Variants in FARP2 observed in about 807,000 individuals in gnomAD.
FARP2 encodes FERM, ARH/RhoGEF and pleckstrin domain protein 2.
A neutral mutation model predicts 130.5 loss-of-function variants in FARP2; 111 were observed. The observed-to-expected ratio is 0.85, with a 90% confidence interval of 0.73 to 1.00. The LOEUF (loss-of-function observed/expected upper bound fraction) is 1.00. FARP2 is among the 50% of genes least tolerant of loss of function. FARP2 has a pLI of 0.00. For synonymous variants in FARP2, 504 were observed against 516.9 expected, an observed-to-expected ratio of 0.98 and a Z score of 0.34; for missense variants, 1,385 against 1,346.3, an observed-to-expected ratio of 1.03 and a Z score of -0.45.
In FARP2 at chr2:241,373,098, A is replaced by G. The variant is rs1223804772; in HGVS notation, c.-10A>G. On this transcript the variant is annotated 5_prime_UTR_variant, in exon 2 of 27. The change abolishes an upstream ATG in the 5' untranslated region. Coordinates refer to ENST00000264042, the MANE Select transcript of FARP2 (RefSeq NM_014808.4). The stretch of plus-strand genomic sequence containing the variant: ...TTTCATTTTAGTGTTTTCTTCACTC[A>G]TGGTGAAGAATGGGGGAGATAGAAG... 8.2e-6 allele frequency: 11 copies of G among 1,345,424 alleles called. No individual in the cohort carries two copies. In the East Asian group the frequency reaches 8.4e-5, roughly 10 times the overall value. The allele number at this position is 1,345,424 out of a possible 1,614,324, so 83.3% of individuals were successfully genotyped here.
chr2:241,405,688 A>G (rs1297609984), intron 4 of FARP2, among the ~76,000 whole-genome samples: 3 of 152,196 alleles, frequency 2.0e-5, no homozygotes, highest in Admixed American at 6.5e-5. Flanking sequence ...AATCTTAGCA[A>G]TTTGGGAGGC....
chr2:241,424,701 C>A lies in FARP2; in HGVS notation c.771+6592C>A, dbSNP rs527454996. On this transcript the variant is annotated intron_variant, in intron 8 of 26. Coordinates refer to ENST00000264042, the MANE Select transcript of FARP2 (RefSeq NM_014808.4). ...TTGAAAAAATTAATAAAATAGACTG[C>A]TAGCTAGACTAGTAAAGAAGATAAT... Among the ~76,000 whole-genome samples the A allele has an allele frequency of 4.4e-4, 67 of 152,098 alleles. No individual in the cohort carries two copies. The South Asian group carries it at 0.013, about 29-fold the overall frequency.
At chr2:241,453,122 G>A (rs1273023077) in intron 13 of FARP2, among the ~76,000 whole-genome samples, 1 of 150,348 alleles carries the variant, frequency 6.7e-6, no homozygotes, top group Non-Finnish European at 1.5e-5. Flanking sequence ...TTGAGGTCAG[G>A]AGTTTGAGAC....
chr2:241,478,964 AT>A, intron 19 of FARP2: 2 of 423,950 alleles, frequency 4.7e-6, no homozygotes. Flanking sequence ...GAAGGCCAAG[AT>A]TTTGCAAGAA....
intron 2 of FARP2, among the ~76,000 whole-genome samples, chr2:241,378,272 T>A (rs1006197177): frequency 1.0e-5 from 1 of 97,524 alleles, no homozygotes; most frequent in African/African-American, 3.6e-5. Flanking sequence ...CGGCTAATAT[T>A]TTTTTTTTTT....
In FARP2 at chr2:241,492,918, TTTA is replaced by T; in HGVS notation, c.2788-8_2788-6del. 6.4e-7 allele frequency: 1 copy of T among 1,564,110 alleles called. No homozygotes were observed. The highest frequency in any genetic ancestry group is 8.8e-7 in the Non-Finnish European group (1 of 1,134,494). On this transcript the variant is annotated splice_region_variant and splice_polypyrimidine_tract_variant and intron_variant, in intron 24 of 26. Coordinates refer to ENST00000264042, the MANE Select transcript of FARP2 (RefSeq NM_014808.4). ...CTGGTTAATGCACCTGCATTTTTCCTTTATTGACAGAACCAGCTTTCAGGATAT... is the reference window on the plus strand; with the variant it reads ...CTGGTTAATGCACCTGCATTTTTCCTTTGACAGAACCAGCTTTCAGGATAT...
At chr2:241,364,192 G>C (rs1271982996) in intron 1 of FARP2, among the ~76,000 whole-genome samples, 1 of 152,232 alleles carries the variant, frequency 6.6e-6, no homozygotes, top group Non-Finnish European at 1.5e-5. Flanking sequence ...AAGGCAGAGA[G>C]ACTGGAAGTA....
intron 19 of FARP2, 22 bp downstream of exon 19, chr2:241,476,009 A>C (rs1196461480): frequency 6.3e-7 from 1 of 1,593,846 alleles, no homozygotes; most frequent in Non-Finnish European, 8.5e-7. Flanking sequence ...TGCTCTGGGA[A>C]TGTTTTTTGA....
At chr2:241,395,437 C>T (rs1307806994) in intron 2 of FARP2, 2 of 152,156 alleles carry the variant, frequency 1.3e-5, no homozygotes, top group East Asian at 1.9e-4. Flanking sequence ...TTTTGGTCTT[C>T]TTTAGGTTTG....
At chr2:241,456,605 G>T (rs2063844205) in intron 13 of FARP2, 142 bp from the exon 14 acceptor site, 1 of 724,678 alleles carries the variant, frequency 1.4e-6, no homozygotes, top group Non-Finnish European at 2.4e-6. Flanking sequence ...TGTGATAGAG[G>T]CTGTACATAC....
intron 13 of FARP2, among the ~76,000 whole-genome samples, chr2:241,453,146 A>C (rs1192739824): frequency 6.7e-6 from 1 of 149,622 alleles, no homozygotes; most frequent in Non-Finnish European, 1.5e-5. Context: ...CCTGGCCAAC[A>C]TGGTGAAACC....
chr2:241,467,877 C>G (rs1202607339), intron 17 of FARP2, among the ~76,000 whole-genome samples: 2 of 152,188 alleles, frequency 1.3e-5, no homozygotes, highest in African/African-American at 4.8e-5. Context: ...GGCCCTGGTC[C>G]ACTCAGTGCA....
intron 12 of FARP2, among the ~76,000 whole-genome samples, chr2:241,438,779 G>A (rs1377247762): frequency 7.6e-6 from 1 of 130,736 alleles, no homozygotes; most frequent in Non-Finnish European, 1.6e-5. Flanking sequence ...ACAGGTGCCC[G>A]CCACCATGCC....
intron 2 of FARP2, among the ~76,000 whole-genome samples, chr2:241,391,740 A>G (rs2061909691): frequency 6.6e-6 from 1 of 152,140 alleles, no homozygotes; most frequent in Non-Finnish European, 1.5e-5. Flanking sequence ...AGTAGTTAGG[A>G]GGACCACTGT....
At chr2:241,375,793 A>G (rs1263895999) in intron 2 of FARP2, among the ~76,000 whole-genome samples, 6 of 151,460 alleles carry the variant, frequency 4.0e-5, no homozygotes, top group Non-Finnish European at 7.4e-5. Flanking sequence ...GGATCTTGCT[A>G]TGTTCCCCAG....
At chr2:241,409,369 G>A (rs1483402716) in intron 5 of FARP2, among the ~76,000 whole-genome samples, 1 of 152,048 alleles carries the variant, frequency 6.6e-6, no homozygotes, top group African/African-American at 2.4e-5. Flanking sequence ...AGGCAACATG[G>A]GGAGACCTCA....
At chr2:241,486,074 C>T (rs2064745292) in intron 21 of FARP2, among the ~76,000 whole-genome samples, 1 of 152,186 alleles carries the variant, frequency 6.6e-6, no homozygotes, top group African/African-American at 2.4e-5. Flanking sequence ...CGGAAGCAGA[C>T]CCCATTTGTT....
At chr2:241,487,746 C>CTTTTTTTTTTTTTTTTTTTTT (rs1167750549) in intron 21 of FARP2, among the ~76,000 whole-genome samples, 1 of 73,232 alleles carries the variant, frequency 1.4e-5, no homozygotes, top group Non-Finnish European at 2.4e-5. Context: ...CTAGCCTACT[C>CTTTTTTTTTTTTTTTTTTTTT]TTTTTTTTTT....
At chr2:241,361,039 A>T (rs1422352688) in intron 1 of FARP2, among the ~76,000 whole-genome samples, 1 of 151,912 alleles carries the variant, frequency 6.6e-6, no homozygotes, top group East Asian at 1.9e-4. Flanking sequence ...AAAAAAAAAA[A>T]AAACACACAT....
Sources: allele counts gnomAD v4.1 joint callset (sites outside exome capture counted in the v4.1 genomes callset), GRCh38; gene constraint gnomAD v4.1.1; transcripts MANE v1.5; gene names NCBI Gene and HGNC (gene_info 2026-07-23, HGNC 2026-07-21).